The following FAM81B variants were observed in gnomAD, a reference collection of about 807,000 sequenced individuals.
FAM81B encodes family with sequence similarity 81 member B, also known as protein FAM81B.
A neutral mutation model predicts 58.7 loss-of-function variants in FAM81B; 60 were observed. The observed-to-expected ratio is 1.02, with a 90% CI of 0.83 to 1.27. The LOEUF (loss-of-function observed/expected upper bound fraction) is 1.27. Ranked by LOEUF, FAM81B falls within the 50% of genes most tolerant of loss-of-function variation. The pLI is 0.00. For missense variants in FAM81B, 491 were observed against 522.0 expected (o/e 0.94, Z 0.58); for synonymous variants, 189 against 179.6 (o/e 1.05, Z -0.42).
At chr5:95,401,719 T>C (rs1762119126) in intron 3 of FAM81B, among the ~76,000 whole-genome samples, 1 of 152,198 alleles carries the variant, frequency 6.6e-6, no homozygotes, top group Non-Finnish European at 1.5e-5. Context: ...CAAGTTTGAT[T>C]CTCTGAGTAT....
intron 5 of FAM81B, among the ~76,000 whole-genome samples, chr5:95,426,623 C>T (rs774906083): frequency 1.1e-4 from 17 of 152,166 alleles, no homozygotes; most frequent in South Asian, 4.1e-4. Context: ...AGACATTATT[C>T]GCATTGTCAA....
chr5:95,435,375 C>CTTT (rs1222745443), intron 6 of FAM81B, among the ~76,000 whole-genome samples: 1 of 151,898 alleles, frequency 6.6e-6, no homozygotes, highest in Non-Finnish European at 1.5e-5. Flanking sequence ...ATGGCCTGTG[C>CTTT]TTTTCCTGCT....
chr5:95,402,852 G>A (rs253721), intron 3 of FAM81B, among the ~76,000 whole-genome samples: 81,993 of 152,050 alleles, frequency 0.54, 22,353 homozygotes, highest in South Asian at 0.7. Flanking sequence ...CTCACTTATT[G>A]TCTCAGAACT....
At chr5:95,424,715 C>T (rs530313743) in intron 5 of FAM81B, among the ~76,000 whole-genome samples, 18 of 152,304 alleles carry the variant, frequency 1.2e-4, no homozygotes, top group African/African-American at 4.1e-4. Context: ...GCTTCAGGCC[C>T]TTGCCACTAG....
chr5:95,415,264 T>C (rs1046638537), intron 4 of FAM81B, among the ~76,000 whole-genome samples: 3 of 152,198 alleles, frequency 2.0e-5, no homozygotes, highest in Admixed American at 6.5e-5. Flanking sequence ...GGAGTTATCA[T>C]GAGAATTGAC....
chr5:95,431,245 A>G (rs1378079596), intron 6 of FAM81B, among the ~76,000 whole-genome samples: 1 of 152,064 alleles, frequency 6.6e-6, no homozygotes, highest in Non-Finnish European at 1.5e-5. Flanking sequence ...TTCCCTACAC[A>G]AAGTCTTGAA....
chr5:95,446,782 C>A, intron 8 of FAM81B, 85 bp downstream of exon 8: 1 of 1,500,290 alleles, frequency 6.7e-7, no homozygotes, highest in Non-Finnish European at 9.0e-7. Context: ...TGTACTTCAA[C>A]ATTTATGGTA....
intron 2 of FAM81B, among the ~76,000 whole-genome samples, chr5:95,393,353 G>A (rs1429884208): frequency 6.6e-6 from 1 of 152,146 alleles, no homozygotes; most frequent in Non-Finnish European, 1.5e-5. Flanking sequence ...CATAACAAGA[G>A]GCAGATGCAG....
At chr5:95,403,574 C>T (rs1349816075) in intron 3 of FAM81B, among the ~76,000 whole-genome samples, 1 of 151,998 alleles carries the variant, frequency 6.6e-6, no homozygotes, top group Non-Finnish European at 1.5e-5. Context: ...AAAAAAAATC[C>T]AGAGTTTGGT....
At chr5:95,393,498 G>A (rs1387450064) in intron 2 of FAM81B, among the ~76,000 whole-genome samples, 1 of 152,084 alleles carries the variant, frequency 6.6e-6, no homozygotes, top group African/African-American at 2.4e-5. Flanking sequence ...CTGTAAAATG[G>A]GTGAATTAGG....
chr5:95,413,151 G>A (rs555310781), intron 3 of FAM81B, among the ~76,000 whole-genome samples: 1 of 152,308 alleles, frequency 6.6e-6, no homozygotes, highest in Admixed American at 6.5e-5. Flanking sequence ...TCATTTGACA[G>A]GGGACATTTG....
intron 7 of FAM81B, among the ~76,000 whole-genome samples, chr5:95,442,026 T>C (rs1745377712): frequency 6.6e-6 from 1 of 152,212 alleles, no homozygotes; most frequent in Admixed American, 6.5e-5. Flanking sequence ...ATGAAGCAAA[T>C]GCATAGACTC....
intron 5 of FAM81B, among the ~76,000 whole-genome samples, chr5:95,422,223 T>C (rs1173612209): frequency 6.6e-6 from 1 of 151,728 alleles, no homozygotes; most frequent in Admixed American, 6.6e-5. Flanking sequence ...ATAATACATA[T>C]GGTTGAAAAA....
chr5:95,424,844 A>T (rs951356553), intron 5 of FAM81B, among the ~76,000 whole-genome samples: 2 of 152,184 alleles, frequency 1.3e-5, no homozygotes, highest in Non-Finnish European at 1.5e-5. Context: ...TAATAATTTT[A>T]AAAGTAAGGT....
chr5:95,427,225 C>T (rs1275895601), intron 5 of FAM81B, among the ~76,000 whole-genome samples: 1 of 152,130 alleles, frequency 6.6e-6, no homozygotes, highest in Non-Finnish European at 1.5e-5. Context: ...GTGGTGGTAG[C>T]AGCAGCCACT....
intron 5 of FAM81B, among the ~76,000 whole-genome samples, chr5:95,426,145 AT>A (rs1429756322): frequency 1.4e-5 from 2 of 142,382 alleles, no homozygotes; most frequent in East Asian, 4.0e-4. Context: ...TTTTAAGTAT[AT>A]ATGTATAATG....
chr5:95,431,720 TTTTAG>T (rs1292812029), intron 6 of FAM81B, among the ~76,000 whole-genome samples: 4 of 151,952 alleles, frequency 2.6e-5, no homozygotes, highest in Non-Finnish European at 4.4e-5. Context: ...ATCTTTTTCT[TTTTAG>T]TTTATTGTAA....
intron 4 of FAM81B, 131 bp from the exon 5 acceptor site, chr5:95,420,153 A>G: frequency 9.5e-7 from 1 of 1,051,510 alleles, no homozygotes; most frequent in Non-Finnish European, 1.4e-6. Flanking sequence ...TCTCTGAGAT[A>G]GGACTCTCTC....
intron 1 of FAM81B, among the ~76,000 whole-genome samples, chr5:95,392,319 C>T (rs963250812): frequency 1.3e-5 from 2 of 151,956 alleles, no homozygotes; most frequent in Admixed American, 1.3e-4. Context: ...CACATGGACA[C>T]AGGGAGGGGA....
Sources: allele counts gnomAD v4.1 joint callset (sites outside exome capture counted in the v4.1 genomes callset), GRCh38; gene constraint gnomAD v4.1.1; transcripts MANE v1.5; gene names NCBI Gene and HGNC (gene_info 2026-07-23, HGNC 2026-07-21).